ZNF254: variants seen among roughly 807,000 people sequenced by gnomAD.
ZNF254 encodes the protein zinc finger protein 254.
ZNF254 carries 10 observed loss-of-function variants against 12.4 expected under a neutral mutation model. That is an observed-to-expected ratio of 0.80 (90% CI 0.50 to 1.36). The LOEUF (loss-of-function observed/expected upper bound fraction) is 1.36. Among genes scored for constraint, ZNF254 ranks in the 40% most tolerant of loss-of-function variants. The probability of loss-of-function intolerance (pLI) is 0.00; values close to 1 mark genes in which losing one functional copy is unlikely to be tolerated. For missense variants in ZNF254, 996 were observed against 763.9 expected (o/e 1.30, Z -3.58); for synonymous variants, 305 against 253.4 (o/e 1.20, Z -1.93).
At chr19:24,064,189 C>T (rs918181361) in intron 2 of ZNF254, among the ~76,000 whole-genome samples, 2 of 152,108 alleles carry the variant, frequency 1.3e-5, no homozygotes, top group African/African-American at 4.8e-5. Flanking sequence ...TGTGATGTGA[C>T]TCTTTCTCAT....
chr19:24,038,287 T>A (rs56381451), intron 1 of ZNF254, among the ~76,000 whole-genome samples: 24,302 of 152,098 alleles, frequency 0.16, 2,118 homozygotes, highest in Middle Eastern at 0.23. Context: ...ATGAAGACAT[T>A]AGTTTATTTT....
upstream of ZNF254, among the ~76,000 whole-genome samples, chr19:24,085,427 A>ATATATATATATATATATATATATATAT (rs1369362234): frequency 0.023 from 953 of 41,990 alleles, 109 homozygotes; most frequent in Middle Eastern, 0.045. Flanking sequence ...TATATATATA[A>ATATATATATATATATATATATATATAT]AAACTAAGAT....
chr19:24,060,502 C>T (rs570123630), intron 2 of ZNF254, among the ~76,000 whole-genome samples: 96 of 152,286 alleles, frequency 6.3e-4, no homozygotes, highest in African/African-American at 2.2e-3. Context: ...TCTCTTGGCC[C>T]ATCAACTATT....
At chr19:24,080,916 A>T (rs916180720) in intron 2 of ZNF254, among the ~76,000 whole-genome samples, 3 of 151,898 alleles carry the variant, frequency 2.0e-5, no homozygotes, top group Non-Finnish European at 4.4e-5. Flanking sequence ...CATCTCTAGT[A>T]AAAATACAAA....
chr19:24,064,836 T>C (rs1026986525), intron 2 of ZNF254, among the ~76,000 whole-genome samples: 4 of 152,212 alleles, frequency 2.6e-5, no homozygotes, highest in African/African-American at 9.6e-5. Context: ...TGGCATCATG[T>C]ATTTCAACAT....
intron 2 of ZNF254, among the ~76,000 whole-genome samples, chr19:24,055,320 C>A (rs1970809318): frequency 1.3e-5 from 2 of 151,434 alleles, no homozygotes; most frequent in Non-Finnish European, 2.9e-5. Context: ...TGCTCTGTCA[C>A]CCCAGCTGGA....
chr19:24,084,343 G>A (rs2145601620), upstream of ZNF254, among the ~76,000 whole-genome samples: 1 of 151,834 alleles, frequency 6.6e-6, no homozygotes, highest in African/African-American at 2.4e-5. Flanking sequence ...TTATAAGTGG[G>A]AACTAAGCTA....
chr19:24,072,181 T>A (rs1971505750), intron 2 of ZNF254, among the ~76,000 whole-genome samples: 1 of 151,766 alleles, frequency 6.6e-6, no homozygotes, highest in South Asian at 2.1e-4. Context: ...CATTTTTTTT[T>A]TTTCTTCTGA....
At chr19:24,052,605 A>G (rs1233924433) in intron 2 of ZNF254, among the ~76,000 whole-genome samples, 1 of 152,212 alleles carries the variant, frequency 6.6e-6, no homozygotes, top group South Asian at 2.1e-4. Flanking sequence ...TGGGCCTAGC[A>G]TCCAGGTGAT....
intron 2 of ZNF254, among the ~76,000 whole-genome samples, chr19:24,050,323 C>G (rs1406089578): frequency 1.3e-5 from 2 of 152,016 alleles, no homozygotes; most frequent in Non-Finnish European, 2.9e-5. Context: ...CCACGTCTGG[C>G]TGATTTTTGT....
chr19:24,127,457 G>T lies in ZNF254; in HGVS notation c.1457G>T (p.Gly486Val), dbSNP rs199657105. The change falls in exon 4 of 4, where the codon GGA becomes GTA. Residue 486 changes from glycine (G) to valine (V), a missense_variant. Transcript: ENST00000357002. ...ACTAGACATAAGAGGATGCACACTGGAGAGAAACCCTACAAATGTGAAGAA... is the reference window on the plus strand; with the variant it reads ...ACTAGACATAAGAGGATGCACACTGTAGAGAAACCCTACAAATGTGAAGAA... Reference protein sequence around the residue: ...TLTRHKRMHTGEKPYKCEECG... With the variant: ...TLTRHKRMHTVEKPYKCEECG... 7.9e-5 allele frequency: 127 copies of T among 1,613,056 alleles called. No individual in the cohort carries two copies. Among genetic ancestry groups the T allele is most frequent in the Non-Finnish European group, 9.7e-5 (115 of 1,179,748 alleles).
intron 3 of ZNF254, among the ~76,000 whole-genome samples, chr19:24,118,781 A>C (rs959949419): frequency 6.6e-6 from 1 of 151,912 alleles, no homozygotes; most frequent in African/African-American, 2.4e-5. Flanking sequence ...CGCCAAGATT[A>C]TTGTCATGTG....
chr19:24,088,683 C>T (rs186692736), intron 1 of ZNF254, among the ~76,000 whole-genome samples: 3 of 151,954 alleles, frequency 2.0e-5, no homozygotes, highest in South Asian at 2.1e-4. Flanking sequence ...GAGGCTTGCT[C>T]GGTCACCCCG....
At chr19:24,061,586 C>T (rs1301737740) in intron 2 of ZNF254, among the ~76,000 whole-genome samples, 2 of 152,204 alleles carry the variant, frequency 1.3e-5, no homozygotes, top group African/African-American at 4.8e-5. Flanking sequence ...ATGTGACTCT[C>T]CTGCCTTTTC....
intron 2 of ZNF254, among the ~76,000 whole-genome samples, chr19:24,060,914 G>A (rs1026458950): frequency 6.6e-6 from 1 of 152,138 alleles, no homozygotes; most frequent in Non-Finnish European, 1.5e-5. Flanking sequence ...TACCCACAGA[G>A]GTCATTGCAA....
chr19:24,043,010 G>T (rs1599574213), intron 1 of ZNF254, among the ~76,000 whole-genome samples: 1 of 151,806 alleles, frequency 6.6e-6, no homozygotes, highest in Admixed American at 6.6e-5. Flanking sequence ...TTCTTTTTAG[G>T]TTTTTTTGTT....
At chr19:24,042,093 G>C (rs962179927) in intron 1 of ZNF254, among the ~76,000 whole-genome samples, 11 of 139,108 alleles carry the variant, frequency 7.9e-5, no homozygotes, top group Non-Finnish European at 1.6e-4. Context: ...TCTGTATCTA[G>C]CTCAAGGTTT....
intron 2 of ZNF254, chr19:24,080,815 G>A (rs1971820198): frequency 6.8e-6 from 1 of 146,220 alleles, no homozygotes. Context: ...GATGAGTTGC[G>A]AGTTGCCTCA....
chr19:24,057,565 G>A (rs760305584), intron 2 of ZNF254, among the ~76,000 whole-genome samples: 4 of 152,182 alleles, frequency 2.6e-5, no homozygotes, highest in Non-Finnish European at 5.9e-5. Context: ...TACAGTTGAG[G>A]TTTTGACACT....
Sources: allele counts gnomAD v4.1 joint callset (sites outside exome capture counted in the v4.1 genomes callset), GRCh38; gene constraint gnomAD v4.1.1; transcripts MANE v1.5; gene names NCBI Gene and HGNC (gene_info 2026-07-23, HGNC 2026-07-21).